The following TTC29 variants were observed in gnomAD, a reference collection of about 807,000 sequenced individuals.
TTC29 encodes tetratricopeptide repeat protein 29.
A neutral mutation model predicts 58.1 loss-of-function variants in TTC29; 49 were observed. That is an observed-to-expected ratio of 0.84 (90% CI 0.67 to 1.07). The LOEUF (loss-of-function observed/expected upper bound fraction) is 1.07, where lower values mean the gene tolerates loss of function less well. Among genes scored for constraint, TTC29 ranks in the 50% least tolerant of loss-of-function variants. The probability of loss-of-function intolerance (pLI) is 0.00; values close to 1 mark genes in which losing one functional copy is unlikely to be tolerated. For synonymous variants in TTC29, 209 were observed against 196.8 expected (o/e 1.06, Z -0.52); for missense variants, 582 against 555.6 (o/e 1.05, Z -0.48).
chr4:146,792,230 A>G (rs1749511888), intron 11 of TTC29, among the ~76,000 whole-genome samples: 1 of 152,206 alleles, frequency 6.6e-6, no homozygotes, highest in Non-Finnish European at 1.5e-5. Flanking sequence ...GCCTTAAAGG[A>G]CAGGCTAACT....
intron 9 of TTC29, among the ~76,000 whole-genome samples, chr4:146,821,985 G>GTTTTTTTTT (rs34100285): frequency 1.8e-5 from 2 of 109,594 alleles, no homozygotes; most frequent in East Asian, 2.6e-4. Flanking sequence ...CATGTCTAGT[G>GTTTTTTTTT]TTTTTTTTTT....
chr4:146,758,124 A>G (rs1267928055), intron 11 of TTC29, among the ~76,000 whole-genome samples: 1 of 152,110 alleles, frequency 6.6e-6, no homozygotes. Context: ...GGACTCACAT[A>G]AACTTAAAGG....
intron 11 of TTC29, among the ~76,000 whole-genome samples, chr4:146,734,193 C>T (rs1280649061): frequency 6.6e-6 from 1 of 152,004 alleles, no homozygotes; most frequent in Non-Finnish European, 1.5e-5. Context: ...AGTCTCATTA[C>T]CTGAGATTTA....
chr4:146,757,178 C>T (rs1352354489), intron 11 of TTC29, among the ~76,000 whole-genome samples: 1 of 151,480 alleles, frequency 6.6e-6, no homozygotes, highest in Non-Finnish European at 1.5e-5. Context: ...GAGGGAAGGT[C>T]TAGGGCTGAA....
intron 9 of TTC29, among the ~76,000 whole-genome samples, chr4:146,820,481 C>T (rs1194287859): frequency 2.0e-5 from 3 of 152,102 alleles, no homozygotes; most frequent in Admixed American, 6.6e-5. Context: ...TAAAATGGTA[C>T]ATCTTCTGGG....
chr4:146,842,124 C>T lies in TTC29; in HGVS notation c.886-8227G>A, dbSNP rs998090891. ...AAGGATGCTGCTAAACATCCTACAA[C>T]GCACACCATAGCCTTCCCCATAGCA... On this transcript the variant is annotated intron_variant, in intron 8 of 12. Transcript: ENST00000325106. Among the ~76,000 whole-genome samples the T allele has an allele frequency of 5.9e-4, 89 of 152,118 alleles. 1 individual carries two copies. The highest frequency in any genetic ancestry group is 1.9e-3 in the African/African-American group (80 of 41,514).
chr4:146,809,679 G>A (rs936434776), intron 10 of TTC29, among the ~76,000 whole-genome samples: 6 of 149,860 alleles, frequency 4.0e-5, no homozygotes, highest in African/African-American at 1.5e-4. Context: ...ATCATTACTG[G>A]CCATTAGAGA....
chr4:146,743,890 C>G (rs1306220108), intron 11 of TTC29, among the ~76,000 whole-genome samples: 1 of 152,166 alleles, frequency 6.6e-6, no homozygotes, highest in African/African-American at 2.4e-5. Context: ...GGGATCTTCC[C>G]TCACAAATTC....
intron 11 of TTC29, among the ~76,000 whole-genome samples, chr4:146,758,367 G>T (rs1039759275): frequency 2.0e-5 from 3 of 151,874 alleles, no homozygotes; most frequent in African/African-American, 7.3e-5. Flanking sequence ...TAAGAAATGA[G>T]ATAGACAGCA....
At chr4:146,943,783 A>C (rs1158615406) in intron 2 of TTC29, among the ~76,000 whole-genome samples, 1 of 152,228 alleles carries the variant, frequency 6.6e-6, no homozygotes, top group East Asian at 1.9e-4. Flanking sequence ...ACTTCCATTA[A>C]ATTAAATACC....
intron 4 of TTC29, among the ~76,000 whole-genome samples, chr4:146,918,086 G>A (rs914180472): frequency 2.7e-5 from 4 of 150,710 alleles, no homozygotes; most frequent in Non-Finnish European, 4.5e-5. Context: ...AAACAGTTAC[G>A]CGTTTACTAA....
rs72958248 is a variant in TTC29, at chr4:146,841,286, T to C, written c.886-7389A>G. Among the ~76,000 whole-genome samples, 1,116 of 152,322 alleles carry C rather than the reference T, an allele frequency of 7.3e-3. 14 individuals carry two copies. Among genetic ancestry groups the C allele is most frequent in the African/African-American group, 0.026 (1,065 of 41,590 alleles). On this transcript the variant is annotated intron_variant, in intron 8 of 12. Transcript: ENST00000325106. ...TCAAGATTTTATTCAGCGTTGTTCC[T>C]GTGCCTAGGGAAAGGAGAGGAAGTA...
intron 2 of TTC29, among the ~76,000 whole-genome samples, chr4:146,943,361 T>C (rs1446168928): frequency 6.6e-6 from 1 of 151,760 alleles, no homozygotes; most frequent in Non-Finnish European, 1.5e-5. Flanking sequence ...AGGCACAAAC[T>C]CTGAATGGGG....
At chr4:146,842,398 T>G (rs886520322) in intron 8 of TTC29, among the ~76,000 whole-genome samples, 3 of 151,992 alleles carry the variant, frequency 2.0e-5, no homozygotes, top group African/African-American at 7.2e-5. Context: ...GTCCTCCCAA[T>G]AGTGAAAGGT....
chr4:146,713,998 C>T (rs1314832017), intron 11 of TTC29, among the ~76,000 whole-genome samples: 3 of 152,000 alleles, frequency 2.0e-5, no homozygotes, highest in East Asian at 1.9e-4. Context: ...TTATAAATCC[C>T]GCAATTTTTT....
chr4:146,807,548 TA>T lies in TTC29; in HGVS notation c.1102-3864del, dbSNP rs1336292190. On this transcript the variant is annotated intron_variant, in intron 10 of 12. Coordinates refer to ENST00000325106, the MANE Select transcript of TTC29 (RefSeq NM_031956.4). ...ATCAAATAGATGCAACAAAAAATGA[TA>T]AAGGGGATATCACTACTGATCTCAC... Among the ~76,000 whole-genome samples the T allele has an allele frequency of 2.6e-5, 4 of 152,088 alleles. No individual in the cohort carries two copies. In the East Asian group the frequency reaches 7.7e-4, roughly 29 times the overall value.
chr4:146,817,218 A>G (rs1354283197), intron 10 of TTC29, among the ~76,000 whole-genome samples: 1 of 152,256 alleles, frequency 6.6e-6, no homozygotes, highest in Admixed American at 6.5e-5. Context: ...TAAGCTGATA[A>G]GCAACTTCAG....
At chr4:146,721,469 A>G (rs935279328) in intron 11 of TTC29, among the ~76,000 whole-genome samples, 1 of 152,184 alleles carries the variant, frequency 6.6e-6, no homozygotes, top group African/African-American at 2.4e-5. Context: ...GAAAACTAAT[A>G]TATTTGTCCC....
At chr4:146,820,848 T>C (rs1171696331) in intron 9 of TTC29, among the ~76,000 whole-genome samples, 2 of 151,952 alleles carry the variant, frequency 1.3e-5, no homozygotes, top group African/African-American at 2.4e-5. Context: ...CTGGCTAACA[T>C]GGTGAAACCC....
Sources: gnomAD v4.1 joint callset for allele counts (sites outside exome capture counted in the v4.1 genomes callset) on GRCh38, gnomAD v4.1.1 for gene constraint, MANE v1.5 for transcripts, NCBI Gene and HGNC (gene_info 2026-07-23, HGNC 2026-07-21) for gene names.